Variants in SERTM1 observed in about 807,000 individuals in gnomAD.
The protein encoded by SERTM1 is serine rich and transmembrane domain containing 1, also known as serine-rich and transmembrane domain-containing protein 1.
SERTM1 carries 1 observed loss-of-function variant against 5.5 expected under a neutral mutation model. The observed-to-expected ratio is 0.18, with a 90% CI of 0.06 to 0.86. The LOEUF is 0.86. SERTM1 is among the 40% of genes least tolerant of loss of function. The probability of loss-of-function intolerance (pLI) is 0.69; values close to 1 mark genes in which losing one functional copy is unlikely to be tolerated. For synonymous variants in SERTM1, 52 were observed against 55.1 expected, an observed-to-expected ratio of 0.94 and a Z score of 0.25; for missense variants, 91 against 122.4, an observed-to-expected ratio of 0.74 and a Z score of 1.21.
rs2056769705 is a variant in SERTM1, at chr13:36,690,278, CATA to C, written c.-173-4625_-173-4623del. On this transcript the variant is annotated intron_variant, in intron 1 of 1. Coordinates refer to ENST00000315190, the MANE Select transcript of SERTM1 (RefSeq NM_203451.3). ...TTTTTATCATGCCAATTGAAGGACT[CATA>C]ATGAGAGTTCACACAAAACTCTACT... Among the ~76,000 whole-genome samples, 14 of 152,242 alleles carry C rather than the reference CATA, an allele frequency of 9.2e-5. No homozygotes were observed. In the South Asian group the frequency reaches 2.9e-3, roughly 32 times the overall value.
In SERTM1 at chr13:36,697,678, G is replaced by A. The variant is rs549323968; in HGVS notation, c.*2276G>A. 1 of 166,940 alleles carries A rather than the reference G, an allele frequency of 6.0e-6. No homozygotes were observed. Among genetic ancestry groups the A allele is most frequent in the Non-Finnish European group, 1.5e-5 (1 of 68,122 alleles). The allele number at this position is 166,940 out of a possible 1,614,324, so 10.3% of individuals were successfully genotyped here. Reference sequence around the variant, plus strand: ...CAATGGTTCTTGCTCTCAATGTTTAGTAGAGAAATTAAGAGCCACATTCAA... The same window carrying A: ...CAATGGTTCTTGCTCTCAATGTTTAATAGAGAAATTAAGAGCCACATTCAA... On this transcript the variant is annotated 3_prime_UTR_variant, in exon 2 of 2. Coordinates refer to ENST00000315190, the MANE Select transcript of SERTM1 (RefSeq NM_203451.3).
Position 36,694,942 on chromosome 13 carries a change from A to G in SERTM1, c.-137A>G. On this transcript the variant is annotated 5_prime_UTR_variant, in exon 2 of 2. Coordinates refer to ENST00000315190, the MANE Select transcript of SERTM1 (RefSeq NM_203451.3). ...ATCTGATACCTGCTGCCTTTGAGAA[A>G]CAAGTTTTGTTGTGCTGATTTAACA... 1.5e-6 allele frequency: 1 copy of G among 649,218 alleles called. No individual in the cohort carries two copies. The highest frequency in any genetic ancestry group is 2.7e-6 in the Non-Finnish European group (1 of 373,670). The allele number at this position is 649,218 out of a possible 1,614,324, so 40.2% of individuals were successfully genotyped here.
intron 1 of SERTM1, among the ~76,000 whole-genome samples, chr13:36,674,764 A>G (rs1011189119): frequency 1.3e-5 from 2 of 151,852 alleles, no homozygotes; most frequent in African/African-American, 4.8e-5. Context: ...GGCGCTGGAG[A>G]GTCTTTTCGC....
At chr13:36,689,506 AAATAATAATAATAATAATAATAAT>A (rs3052684) in intron 1 of SERTM1, among the ~76,000 whole-genome samples, 1 of 142,020 alleles carries the variant, frequency 7.0e-6, no homozygotes, top group African/African-American at 2.6e-5. Flanking sequence ...CTCTGTCTCA[AAATAATAATAATAATAATAATAAT>A]AATAATAATA....
At position 36,691,922 on chromosome 13, in the gene SERTM1, A is replaced by G. The variant is rs677689; in HGVS notation, c.-173-2984A>G. The stretch of plus-strand genomic sequence containing the variant: ...ATACAGCTACTGTTAAATAAAACCA[A>G]AGAGAAAGAAGATATTCCAGTTTTT... On this transcript the variant is annotated intron_variant, in intron 1 of 1. Transcript: ENST00000315190. Among the ~76,000 whole-genome samples, 645 of 152,308 alleles carry G rather than the reference A, an allele frequency of 4.2e-3. 4 individuals are homozygous for G. The highest frequency in any genetic ancestry group is 0.015 in the African/African-American group (622 of 41,566).
chr13:36,678,003 A>G (rs558654629), intron 1 of SERTM1, among the ~76,000 whole-genome samples: 1 of 152,324 alleles, frequency 6.6e-6, no homozygotes, highest in African/African-American at 2.4e-5. Context: ...GTAGAAATGA[A>G]CCATTTCAAA....
At chr13:36,675,381 G>A (rs1264498310) in intron 1 of SERTM1, among the ~76,000 whole-genome samples, 1 of 152,122 alleles carries the variant, frequency 6.6e-6, no homozygotes, top group Non-Finnish European at 1.5e-5. Context: ...GTTTCTCCTA[G>A]GTGCCTTCTC....
chr13:36,692,629 A>G (rs575402619), intron 1 of SERTM1, among the ~76,000 whole-genome samples: 2 of 152,338 alleles, frequency 1.3e-5, no homozygotes, highest in Non-Finnish European at 2.9e-5. Context: ...AAGTATGATT[A>G]TGGAAAATGT....
chr13:36,683,712 C>G (rs2056721134), intron 1 of SERTM1, among the ~76,000 whole-genome samples: 1 of 152,158 alleles, frequency 6.6e-6, no homozygotes, highest in Non-Finnish European at 1.5e-5. Flanking sequence ...ATTTTCTATC[C>G]AGAAGGGACA....
chr13:36,692,873 C>G (rs1314545988), intron 1 of SERTM1, among the ~76,000 whole-genome samples: 2 of 152,142 alleles, frequency 1.3e-5, no homozygotes, highest in Non-Finnish European at 2.9e-5. Context: ...AGCTATGTAC[C>G]CTGAGTAAAT....
At position 36,695,731 on chromosome 13, in the gene SERTM1, A is replaced by T. The variant is rs990265429; in HGVS notation, c.*329A>T. On this transcript the variant is annotated 3_prime_UTR_variant, in exon 2 of 2. Coordinates refer to ENST00000315190, the MANE Select transcript of SERTM1 (RefSeq NM_203451.3). ...GAGGTGGCCTCTCCGTGGATGCTGG[A>T]CATGGACTCGCACTTCATTTCTTTT... 18 of 276,098 alleles carry T rather than the reference A, an allele frequency of 6.5e-5. No individual in the cohort carries two copies. The highest frequency in any genetic ancestry group is 4.0e-4 in the African/African-American group (18 of 44,928). The allele number at this position is 276,098 out of a possible 1,614,324, so 17.1% of individuals were successfully genotyped here.
At chr13:36,681,940 A>G (rs1360437888) in intron 1 of SERTM1, among the ~76,000 whole-genome samples, 1 of 152,224 alleles carries the variant, frequency 6.6e-6, no homozygotes, top group Non-Finnish European at 1.5e-5. Context: ...TTTCTTAGAC[A>G]TTGTTGAAAG....
intron 1 of SERTM1, among the ~76,000 whole-genome samples, chr13:36,689,506 A>AAATAATAATAAT (rs3052684): frequency 9.9e-5 from 14 of 142,018 alleles, no homozygotes; most frequent in African/African-American, 2.3e-4. Context: ...CTCTGTCTCA[A>AAATAATAATAAT]AATAATAATA....
intron 1 of SERTM1, among the ~76,000 whole-genome samples, chr13:36,680,358 A>G (rs1368608761): frequency 6.6e-6 from 1 of 151,990 alleles, no homozygotes; most frequent in Non-Finnish European, 1.5e-5. Context: ...ACATTTTTCC[A>G]CTGAACTCCC....
chr13:36,677,656 T>C (rs1315966537), intron 1 of SERTM1, among the ~76,000 whole-genome samples: 1 of 152,186 alleles, frequency 6.6e-6, no homozygotes, highest in Non-Finnish European at 1.5e-5. Context: ...GTTAAAACAC[T>C]AATTAACTTC....
At chr13:36,677,868 A>T (rs925932677) in intron 1 of SERTM1, among the ~76,000 whole-genome samples, 1 of 152,182 alleles carries the variant, frequency 6.6e-6, no homozygotes, top group African/African-American at 2.4e-5. Context: ...TACTATTCTC[A>T]TTTCTTAAGC....
chr13:36,680,243 G>GA (rs1327672483), intron 1 of SERTM1, among the ~76,000 whole-genome samples: 1 of 152,278 alleles, frequency 6.6e-6, no homozygotes, highest in East Asian at 1.9e-4. Context: ...CAGACCTTCA[G>GA]AAAGACTCCT....
rs773190397 is a variant in SERTM1, at chr13:36,695,413, A to G, written c.*11A>G. On this transcript the variant is annotated 3_prime_UTR_variant, in exon 2 of 2. Transcript: ENST00000315190. Reference sequence around the variant, plus strand: ...AACCTTTCATCCTGAGGAAAATGGAAGAGTCCTTGAGTGTGGCAGCAGTTT... The same window carrying G: ...AACCTTTCATCCTGAGGAAAATGGAGGAGTCCTTGAGTGTGGCAGCAGTTT... 1.9e-6 allele frequency: 3 copies of G among 1,599,530 alleles called. No individual in the cohort carries two copies. Among genetic ancestry groups the G allele is most frequent in the African/African-American group, 1.3e-5 (1 of 74,198 alleles).
At chr13:36,685,007 C>T (rs1404378653) in intron 1 of SERTM1, among the ~76,000 whole-genome samples, 2 of 152,222 alleles carry the variant, frequency 1.3e-5, no homozygotes, top group African/African-American at 4.8e-5. Context: ...AATTGAAATA[C>T]GCTCTGGGAG....
Sources: allele counts gnomAD v4.1 joint callset (sites outside exome capture counted in the v4.1 genomes callset), GRCh38; gene constraint gnomAD v4.1.1; transcripts MANE v1.5; gene names NCBI Gene and HGNC (gene_info 2026-07-23, HGNC 2026-07-21).